Variants in FNTA observed in about 807,000 individuals in gnomAD.
FNTA encodes protein farnesyltransferase/geranylgeranyltransferase type-1 subunit alpha.
FNTA carries 27 observed loss-of-function variants against 55.2 expected under a neutral mutation model. That is an observed-to-expected ratio of 0.49 (90% confidence interval 0.36 to 0.67). The LOEUF (loss-of-function observed/expected upper bound fraction) is 0.67, where lower values mean the gene tolerates loss of function less well. Ranked by LOEUF, FNTA falls within the 30% of genes least tolerant of loss-of-function variation. The pLI is 0.00. For missense variants in FNTA, 422 were observed against 464.7 expected, an observed-to-expected ratio of 0.91 and a Z score of 0.85; for synonymous variants, 176 against 170.7, an observed-to-expected ratio of 1.03 and a Z score of -0.24.
At chr8:43,073,213 A>C (rs750307669) in intron 5 of FNTA, among the ~76,000 whole-genome samples, 3 of 152,224 alleles carry the variant, frequency 2.0e-5, no homozygotes, top group Non-Finnish European at 4.4e-5. Context: ...ACATATTCTA[A>C]AGGTATTCAA....
At chr8:43,066,720 A>G (rs932389823) in intron 3 of FNTA, among the ~76,000 whole-genome samples, 2 of 152,068 alleles carry the variant, frequency 1.3e-5, no homozygotes, top group Admixed American at 6.6e-5. Context: ...CGTATAAGAG[A>G]GACAGGAAAA....
At chr8:43,059,053 T>A (rs762722436) in intron 1 of FNTA, 39 bp from the exon 2 acceptor site, 1 of 1,472,758 alleles carries the variant, frequency 6.8e-7, no homozygotes, top group Non-Finnish European at 9.5e-7. Context: ...TTCTTCTGTA[T>A]TTGAATGTAA....
intron 6 of FNTA, chr8:43,079,862 A>G (rs1449195649): frequency 6.5e-6 from 1 of 154,784 alleles, no homozygotes; most frequent in Non-Finnish European, 1.4e-5. Flanking sequence ...GTTTGGAAGA[A>G]GTTGATTCCA....
chr8:43,064,143 A>G lies in FNTA; in HGVS notation c.329A>G (p.Asp110Gly), dbSNP rs1195379179. Residue 110 changes from aspartate to glycine, a missense_variant, in exon 3 of 9, where the codon GAT becomes GGT. Physicochemically the swap from Asp to Gly is moderately conservative, Grantham distance 94. Coordinates refer to ENST00000302279, the MANE Select transcript of FNTA (RefSeq NM_002027.3). ...YDYFRAVLQR[D>G]ERSERAFKLT... ...TACTTCCGAGCTGTCCTGCAGCGTG[A>G]TGAAAGAAGTGAACGAGCTTTTAAG... 6.2e-7 allele frequency: 1 copy of G among 1,614,090 alleles called. No homozygotes were observed. The highest frequency in any genetic ancestry group is 1.7e-5 in the Admixed American group (1 of 60,024).
At chr8:43,068,561 CGT>C (rs1810713841) in intron 3 of FNTA, among the ~76,000 whole-genome samples, 2 of 152,138 alleles carry the variant, frequency 1.3e-5, no homozygotes, top group African/African-American at 4.8e-5. Flanking sequence ...ACACGAACAA[CGT>C]GTACTGTGTA....
At chr8:43,077,077 G>T in intron 5 of FNTA, 139 bp from the exon 6 acceptor site, 1 of 495,784 alleles carries the variant, frequency 2.0e-6, no homozygotes, top group East Asian at 3.3e-5. Flanking sequence ...TCCTTTACTT[G>T]CAGCTATCAC....
intron 2 of FNTA, among the ~76,000 whole-genome samples, chr8:43,063,834 G>A (rs1184273586): frequency 6.6e-6 from 1 of 152,108 alleles, no homozygotes; most frequent in Non-Finnish European, 1.5e-5. Flanking sequence ...TATACATAAG[G>A]CCTATGGGAG....
chr8:43,080,808 A>G (rs1461114100), intron 6 of FNTA: 2 of 152,246 alleles, frequency 1.3e-5, no homozygotes, highest in Admixed American at 6.5e-5. Context: ...TTATTCGTCT[A>G]AAGATTGACA....
intron 6 of FNTA, 62 bp from the exon 7 acceptor site, chr8:43,083,056 A>AC (rs1811055644): frequency 1.8e-6 from 2 of 1,084,058 alleles, no homozygotes; most frequent in Admixed American, 4.7e-5. Context: ...AGAAAAAAAA[A>AC]AAAACTGTGT....
In FNTA at chr8:43,068,866, C is replaced by T. The variant is rs548917443; in HGVS notation, c.402-689C>T. ...TAGCTGGGATTACAGGCATGCACCA[C>T]CTCGCCCAACTGATTTTGCATTTTT... On this transcript the variant is annotated intron_variant, in intron 3 of 8. Transcript: ENST00000302279. Among the ~76,000 whole-genome samples the T allele has an allele frequency of 1.6e-4, 25 of 152,150 alleles. 1 individual carries two copies. The highest frequency in any genetic ancestry group is 6.0e-4 in the African/African-American group (25 of 41,526).
At chr8:43,062,546 T>C (rs931901063) in intron 2 of FNTA, among the ~76,000 whole-genome samples, 13 of 152,268 alleles carry the variant, frequency 8.5e-5, no homozygotes, top group Admixed American at 6.5e-4. Flanking sequence ...CCTCCCAAGG[T>C]GCTGAGATTA....
chr8:43,084,869 T>G lies in FNTA; in HGVS notation c.1005T>G (p.Asn335Lys), dbSNP rs779599907. The change falls in exon 8 of 9, where the codon AAT (asparagine) becomes AAG (lysine). Residue 335 changes from asparagine to lysine, a missense_variant. This residue lies in a region of FNTA where 262 missense variants were observed against 343.1 expected (regional missense o/e 0.76). Transcript: ENST00000302279. ...GTGACAATAAGGAAGACATTCTTAA[T>G]AAAGCATTAGAGGTAAGCTGGTGGG... ...NQCDNKEDIL[N>K]KALELCEILA... 1 of 1,613,874 alleles carries G rather than the reference T, an allele frequency of 6.2e-7. No individual in the cohort carries two copies.
At chr8:43,067,842 C>T (rs1026629383) in intron 3 of FNTA, among the ~76,000 whole-genome samples, 3 of 152,028 alleles carry the variant, frequency 2.0e-5, no homozygotes, top group Non-Finnish European at 4.4e-5. Context: ...GCTGCAGTGT[C>T]GCGAATAGCT....
In FNTA at chr8:43,056,336, A is replaced by C; in HGVS notation, c.-11A>C. On this transcript the variant is annotated 5_prime_UTR_variant, in exon 1 of 9. Coordinates refer to ENST00000302279, the MANE Select transcript of FNTA (RefSeq NM_002027.3). ...GCCTCCGCCACCACCTCAGCTGCGG[A>C]CCGAGGCGAGATGGCGGCCACCGAG... 1 of 1,408,388 alleles carries C rather than the reference A, an allele frequency of 7.1e-7. No individual in the cohort carries two copies. Among genetic ancestry groups the C allele is most frequent in the Non-Finnish European group, 9.2e-7 (1 of 1,090,092 alleles). The allele number at this position is 1,408,388 out of a possible 1,614,324, so 87.2% of individuals were successfully genotyped here. A position where few individuals can be genotyped will look rare whatever the true frequency, so the allele number is the denominator to read the frequency against.
At chr8:43,068,227 G>A (rs967281303) in intron 3 of FNTA, among the ~76,000 whole-genome samples, 2 of 152,088 alleles carry the variant, frequency 1.3e-5, no homozygotes, top group Non-Finnish European at 2.9e-5. Context: ...GGCCAGGCTG[G>A]TCTCAAACTC....
intron 2 of FNTA, among the ~76,000 whole-genome samples, chr8:43,060,740 GA>G (rs1022123479): frequency 6.6e-6 from 1 of 151,448 alleles, no homozygotes; most frequent in South Asian, 2.1e-4. Flanking sequence ...AACCCTAAAG[GA>G]AAAGATAAGT....
chr8:43,070,822 G>A (rs1290029038), intron 4 of FNTA, among the ~76,000 whole-genome samples: 2 of 152,172 alleles, frequency 1.3e-5, no homozygotes, highest in African/African-American at 4.8e-5. Flanking sequence ...ACATAAAGCC[G>A]TGTAACTCCT....
Position 43,056,339 on chromosome 8 carries a change from G to C in FNTA, c.-8G>C, listed in dbSNP as rs1810395707. 2 of 1,409,610 alleles carry C rather than the reference G, an allele frequency of 1.4e-6. No homozygotes were observed. The highest frequency in any genetic ancestry group is 1.8e-6 in the Non-Finnish European group (2 of 1,090,464). The allele number at this position is 1,409,610 out of a possible 1,614,324, so 87.3% of individuals were successfully genotyped here. A position where few individuals can be genotyped will look rare whatever the true frequency, so the allele number is the denominator to read the frequency against. On this transcript the variant is annotated 5_prime_UTR_variant, in exon 1 of 9. Transcript: ENST00000302279. Reference sequence around the variant, plus strand: ...TCCGCCACCACCTCAGCTGCGGACCGAGGCGAGATGGCGGCCACCGAGGGG... The same window carrying C: ...TCCGCCACCACCTCAGCTGCGGACCCAGGCGAGATGGCGGCCACCGAGGGG...
chr8:43,064,968 C>T (rs1006970837), intron 3 of FNTA, among the ~76,000 whole-genome samples: 1 of 151,478 alleles, frequency 6.6e-6, no homozygotes, highest in Non-Finnish European at 1.5e-5. Flanking sequence ...TCCCCAGTAG[C>T]TGGGATTACA....
Sources: gnomAD v4.1 joint callset for allele counts (sites outside exome capture counted in the v4.1 genomes callset) on GRCh38, gnomAD v4.1.1 for gene constraint, gnomAD v4.1.1 regional missense constraint, MANE v1.5 for transcripts, NCBI Gene and HGNC (gene_info 2026-07-23, HGNC 2026-07-21) for gene names.